Variants in MYO15A observed in about 807,000 individuals in gnomAD.
MYO15A encodes unconventional myosin-XV.
A neutral mutation model predicts 394.6 loss-of-function variants in MYO15A; 308 were observed. The observed-to-expected ratio is 0.78, with a 90% confidence interval of 0.71 to 0.86. MYO15A has a LOEUF of 0.86. MYO15A is among the 40% of genes least tolerant of loss of function. The probability of loss-of-function intolerance (pLI) is 0.00; values close to 1 mark genes in which losing one functional copy is unlikely to be tolerated. For missense variants in MYO15A, 4,606 were observed against 4,799.1 expected, an observed-to-expected ratio of 0.96 and a Z score of 1.19; for synonymous variants, 1,957 against 2,003.8, an observed-to-expected ratio of 0.98 and a Z score of 0.62.
Position 18,148,427 on chromosome 17 carries a change from C to G in MYO15A, c.6692-69C>G. On this transcript the variant is annotated intron_variant, in intron 31 of 65. Coordinates refer to ENST00000647165, the MANE Select transcript of MYO15A (RefSeq NM_016239.4). The surrounding 1 kb of genome is among the most constrained non-coding windows in gnomAD (Gnocchi z 4.8). ...ATACAGGAAGCCTGAAAGGAAGAAG[C>G]AAGCAGGGAGGCACAGCCAAACTGG... 1 of 1,532,848 alleles carries G rather than the reference C, an allele frequency of 6.5e-7. No homozygotes were observed. The highest frequency in any genetic ancestry group is 8.8e-7 in the Non-Finnish European group (1 of 1,131,692). 95.0% of individuals were successfully genotyped at this position (1,532,848 alleles called of 1,614,324 possible).
chr17:18,140,728 A>G (rs1050015555), intron 20 of MYO15A, 59 bp from the exon 21 acceptor site: 10 of 1,614,132 alleles, frequency 6.2e-6, no homozygotes, highest in Non-Finnish European at 8.5e-6. Context: ...CATGACCCTC[A>G]GAGGTTGAGC....
chr17:18,163,328 G>T lies in MYO15A; in HGVS notation c.9690+7G>T, dbSNP rs749843427. On this transcript the variant is annotated splice_region_variant and intron_variant, in intron 59 of 65. Transcript: ENST00000647165. ...CAAAATCAAAACATGCACTGTAAGT[G>T]AAGAAATGTCTCCTGCAGCCAGGTA... The T allele has an allele frequency of 5.0e-6, 8 of 1,613,626 alleles. No homozygotes were observed. The highest frequency in any genetic ancestry group is 5.9e-6 in the Non-Finnish European group (7 of 1,179,730).
chr17:18,172,494 CTGTTG>C, intron 64 of MYO15A: 1 of 781,574 alleles, frequency 1.3e-6, no homozygotes, highest in Non-Finnish European at 2.2e-6. Flanking sequence ...ACCCATAGGG[CTGTTG>C]TGAAGGTGAG....
chr17:18,112,568 C>T (rs907340425), intron 1 of MYO15A, among the ~76,000 whole-genome samples: 4 of 152,042 alleles, frequency 2.6e-5, no homozygotes, highest in Admixed American at 6.6e-5. Flanking sequence ...CCACCATGTT[C>T]GGCTGATTTT....
Position 18,150,324 on chromosome 17 carries a change from C to T in MYO15A, c.7213-105C>T, listed in dbSNP as rs2046557012. The T allele has an allele frequency of 9.7e-7, 1 of 1,027,466 alleles. No individual in the cohort carries two copies. The highest frequency in any genetic ancestry group is 1.5e-6 in the Non-Finnish European group (1 of 659,744). 63.6% of individuals were successfully genotyped at this position (1,027,466 alleles called of 1,614,324 possible). On this transcript the variant is annotated intron_variant, in intron 35 of 65. Coordinates refer to ENST00000647165, the MANE Select transcript of MYO15A (RefSeq NM_016239.4). The surrounding 1 kb of genome is among the most constrained non-coding windows in gnomAD (Gnocchi z 4.4). ...ACACTGAGCCAGTGGGAGGCTGCCC[C>T]CTCCCACGAGAGGGTGGGGAAGAGG...
rs2046471601 is a variant in MYO15A, at chr17:18,145,925, C to T, written c.6327C>T (p.Phe2109=). ...PHLHGARENI[F]GNYIVQKGLA... ...TGCATGGTGCCCGGGAGAACATCTT[C>T]GGGAACTACATCGTGCAGAAGGGGC... The change falls in exon 30 of 66, where the codon TTC becomes TTT. Residue 2109 remains phenylalanine, a synonymous_variant. Transcript: ENST00000647165. 2.5e-6 allele frequency: 4 copies of T among 1,613,618 alleles called. No homozygotes were observed. Among genetic ancestry groups the T allele is most frequent in the South Asian group, 2.2e-5 (2 of 91,080 alleles).
intron 25 of MYO15A, among the ~76,000 whole-genome samples, chr17:18,143,315 C>G (rs1163694881): frequency 6.6e-6 from 1 of 152,192 alleles, no homozygotes; most frequent in East Asian, 1.9e-4. Context: ...CCTTGTGTGT[C>G]TCTTTCCCCA....
Position 18,155,399 on chromosome 17 carries a change from C to T in MYO15A, c.8426C>T (p.Ala2809Val), listed in dbSNP as rs1191651497. Residue 2809 changes from alanine to valine, a missense_variant, in exon 47 of 66, where the codon GCC (alanine) becomes GTC (valine). This residue lies in a region of MYO15A where 2,776 missense variants were observed against 3,109.3 expected (regional missense o/e 0.89). Transcript: ENST00000647165. Reference sequence around the variant, plus strand: ...AGGATGGTCAAGGGTGGCCAGGAGGCCGGCGGGCAGCTGCGGGTCCTGCGT... The same window carrying T: ...AGGATGGTCAAGGGTGGCCAGGAGGTCGGCGGGCAGCTGCGGGTCCTGCGT... ...LLRMVKGGQE[A>V]GGQLRVLRAY... The T allele has an allele frequency of 6.2e-7, 1 of 1,613,528 alleles. No individual in the cohort carries two copies. The highest frequency in any genetic ancestry group is 1.3e-5 in the African/African-American group (1 of 75,040).
rs111605713 is a variant in MYO15A, at chr17:18,166,304, G to A, written c.9788-57G>A. On this transcript the variant is annotated intron_variant, in intron 60 of 65. Transcript: ENST00000647165. ...GTCTGCACACATGCTCTGTACAGGT[G>A]CACACATGTGTGTGCACACATGCCC... 27 of 1,599,670 alleles carry A rather than the reference G, an allele frequency of 1.7e-5. No homozygotes were observed. In the African/African-American group the frequency reaches 2.5e-4, roughly 15 times the overall value.
chr17:18,129,324 C>T (rs1487744841), intron 7 of MYO15A, among the ~76,000 whole-genome samples: 1 of 152,164 alleles, frequency 6.6e-6, no homozygotes, highest in Admixed American at 6.5e-5. Context: ...TGCTGGGCAC[C>T]GGGAACAGAG....
intron 65 of MYO15A, among the ~76,000 whole-genome samples, chr17:18,174,591 C>A (rs2046987776): frequency 6.6e-6 from 1 of 152,178 alleles, no homozygotes. Context: ...GCCTGGGTGA[C>A]AAAGTGAGAC....
Position 18,119,166 on chromosome 17 carries a change from G to C in MYO15A, c.366G>C (p.Pro122=). The change falls in exon 2 of 66, where the codon CCG becomes CCC. Residue 122 remains proline, a synonymous_variant. Coordinates refer to ENST00000647165, the MANE Select transcript of MYO15A (RefSeq NM_016239.4). ...GCCGTGGCTACGGCCGCCTGCGGCC[G>C]CGCGCCCGGTCACTCAGCAAAGCGT... ...PGRRGYGRLR[P]RARSLSKAST... 3 of 1,612,084 alleles carry C rather than the reference G, an allele frequency of 1.9e-6. No homozygotes were observed. Among genetic ancestry groups the C allele is most frequent in the Non-Finnish European group, 2.5e-6 (3 of 1,179,698 alleles).
intron 65 of MYO15A, chr17:18,178,383 A>AT: frequency 3.1e-6 from 1 of 323,706 alleles, no homozygotes; most frequent in Non-Finnish European, 6.1e-6. Flanking sequence ...AAAAAAAAAA[A>AT]GAATTTACAT....
chr17:18,156,535 G>A (rs1429036741), intron 48 of MYO15A, among the ~76,000 whole-genome samples, 199 bp downstream of exon 48: 1 of 152,344 alleles, frequency 6.6e-6, no homozygotes, highest in African/African-American at 2.4e-5. Context: ...GCCCCCTGCC[G>A]GGTGGCACAG....
rs1442087059 is a variant in MYO15A at position 18,153,594 on chromosome 17, A to T, written c.7967-181A>T. 1 of 442,018 alleles carries T rather than the reference A, an allele frequency of 2.3e-6. No homozygotes were observed. Among genetic ancestry groups the T allele is most frequent in the Non-Finnish European group, 3.3e-6 (1 of 305,436 alleles). The allele number at this position is 442,018 out of a possible 1,614,324, so 27.4% of individuals were successfully genotyped here. ...GCGCCTGTAATCCCAGCTACTCAGG[A>T]GGCTGAGGCAGGAGAATCGCTTGAA... On this transcript the variant is annotated intron_variant, in intron 42 of 65. Transcript: ENST00000647165. The surrounding 1 kb of genome is among the most constrained non-coding windows in gnomAD (Gnocchi z 4.1).
rs764443616 is a variant in MYO15A at position 18,118,782 on chromosome 17, T to C, written c.-19T>C. ...CCCGTGACACCGGCCCCAGGCCCTG[T>C]AGAGAGCAGGCAGCCACCATGGCGA... On this transcript the variant is annotated 5_prime_UTR_variant, in exon 2 of 66. Coordinates refer to ENST00000647165, the MANE Select transcript of MYO15A (RefSeq NM_016239.4). 1.4e-5 allele frequency: 23 copies of C among 1,606,938 alleles called. No individual in the cohort carries two copies. The highest frequency in any genetic ancestry group is 2.2e-5 in the East Asian group (1 of 44,576).
At chr17:18,143,825 C>T (rs2046428180) in intron 27 of MYO15A, 29 bp downstream of exon 27, 1 of 1,570,480 alleles carries the variant, frequency 6.4e-7, no homozygotes, top group Non-Finnish European at 8.6e-7. Context: ...GGGGGAGGGC[C>T]CAGGCAGATC....
intron 2 of MYO15A, chr17:18,123,620 C>A (rs2045979322): frequency 6.6e-6 from 1 of 152,394 alleles, no homozygotes; most frequent in Admixed American, 6.5e-5. Context: ...TCATGTGGAT[C>A]CTGCGCAGGC....
chr17:18,150,531 G>A lies in MYO15A; in HGVS notation c.7315G>A (p.Glu2439Lys). ...GTEDTPRRPP[E>K]PKPIPGLDAS... is the part of the protein sequence containing the mutation. ...TGAAGACACCCCCAGGAGACCCCCA[G>A]AGCCAAAGCCAAGTCAGTGCCTCCC... The change falls in exon 36 of 66, where the codon GAG becomes AAG. Residue 2439 changes from glutamate to lysine, a missense_variant. Glu to Lys is a moderately conservative substitution (Grantham distance 56). This residue lies in a region of MYO15A where 2,776 missense variants were observed against 3,109.3 expected (regional missense o/e 0.89). Coordinates refer to ENST00000647165, the MANE Select transcript of MYO15A (RefSeq NM_016239.4). The surrounding 1 kb of genome is among the most constrained non-coding windows in gnomAD (Gnocchi z 4.4). 1 of 1,614,176 alleles carries A rather than the reference G, an allele frequency of 6.2e-7. No homozygotes were observed. Among genetic ancestry groups the A allele is most frequent in the Non-Finnish European group, 8.5e-7 (1 of 1,180,010 alleles).
Sources: allele counts gnomAD v4.1 joint callset (sites outside exome capture counted in the v4.1 genomes callset), GRCh38; gene constraint gnomAD v4.1.1; regional missense constraint gnomAD v4.1.1; non-coding constraint Gnocchi (gnomAD v3.1); transcripts MANE v1.5; gene names NCBI Gene and HGNC (gene_info 2026-07-23, HGNC 2026-07-21).